The following STOX2 variants were observed in gnomAD, a reference collection of about 807,000 sequenced individuals.
STOX2 encodes storkhead box 2.
STOX2 carries 28 observed loss-of-function variants against 60.9 expected under a neutral mutation model. That is an observed-to-expected ratio of 0.46 (90% CI 0.34 to 0.63). STOX2 has a LOEUF of 0.63. Ranked by LOEUF, STOX2 falls within the 30% of genes least tolerant of loss-of-function variation. The probability of loss-of-function intolerance (pLI) is 0.01; values close to 1 mark genes in which losing one functional copy is unlikely to be tolerated. For missense variants in STOX2, 1,024 were observed against 1,187.7 expected (o/e 0.86, Z 2.03); for synonymous variants, 472 against 463.9 (o/e 1.02, Z -0.22).
intron 1 of STOX2, among the ~76,000 whole-genome samples, chr4:183,853,080 A>C (rs1740199218): frequency 6.6e-6 from 1 of 152,228 alleles, no homozygotes. Flanking sequence ...CCCTAGTTCT[A>C]GACCTCAGCA....
chr4:183,847,509 C>G (rs181967831), intron 1 of STOX2, among the ~76,000 whole-genome samples: 122 of 152,276 alleles, frequency 8.0e-4, no homozygotes, highest in African/African-American at 2.8e-3. Context: ...ATTGCCTTTT[C>G]TATCAGTCCT....
At chr4:183,846,825 CT>C (rs1740001414) in intron 1 of STOX2, among the ~76,000 whole-genome samples, 1 of 151,750 alleles carries the variant, frequency 6.6e-6, no homozygotes, top group Non-Finnish European at 1.5e-5. Flanking sequence ...TCTTGCATGC[CT>C]TGTAATTTTT....
chr4:183,969,960 T>G (rs1211864815), intron 1 of STOX2, among the ~76,000 whole-genome samples: 1 of 152,128 alleles, frequency 6.6e-6, no homozygotes, highest in Non-Finnish European at 1.5e-5. Context: ...ACATATCTTG[T>G]GTTGGGGAAA....
At chr4:183,945,805 C>T (rs1460859640) in intron 1 of STOX2, among the ~76,000 whole-genome samples, 1 of 152,188 alleles carries the variant, frequency 6.6e-6, no homozygotes, top group African/African-American at 2.4e-5. Context: ...TGTTCTTTTA[C>T]CTTCAGTTTG....
chr4:183,869,105 G>A (rs1167336873), intron 1 of STOX2, among the ~76,000 whole-genome samples: 1 of 152,170 alleles, frequency 6.6e-6, no homozygotes, highest in Non-Finnish European at 1.5e-5. Flanking sequence ...CTGTGTGAAA[G>A]TTCTGGATAG....
upstream of STOX2, among the ~76,000 whole-genome samples, chr4:183,900,616 G>A (rs1741440923): frequency 6.6e-6 from 1 of 152,156 alleles, no homozygotes; most frequent in Non-Finnish European, 1.5e-5. Flanking sequence ...CTTTACTAGA[G>A]ATGCAAATTG....
rs1741581352 is a variant in STOX2, at chr4:183,905,909, G to A, written c.-882G>A. The A allele has an allele frequency of 6.6e-6, 1 of 152,262 alleles. No homozygotes were observed. The highest frequency in any genetic ancestry group is 2.4e-5 in the African/African-American group (1 of 41,464). The allele number at this position is 152,262 out of a possible 1,614,324, so 9.4% of individuals were successfully genotyped here. ...GCGCCGCCTCGGCCAGTAAGTAGGA[G>A]CATGCATGTGTAGGGGGCACATGCG... On this transcript the variant is annotated 5_prime_UTR_variant, in exon 1 of 4. Coordinates refer to ENST00000308497, the MANE Select transcript of STOX2 (RefSeq NM_020225.3).
intron 1 of STOX2, among the ~76,000 whole-genome samples, chr4:183,801,785 A>G (rs1378379137): frequency 1.3e-5 from 2 of 152,108 alleles, no homozygotes; most frequent in African/African-American, 4.8e-5. Context: ...GCCAGATGTG[A>G]AGATCTAGAA....
At chr4:183,860,338 C>A (rs1740401103) in intron 1 of STOX2, among the ~76,000 whole-genome samples, 1 of 150,840 alleles carries the variant, frequency 6.6e-6, no homozygotes, top group South Asian at 2.1e-4. Context: ...GTGGCCCAGC[C>A]AAAACCCCAA....
At chr4:183,969,959 G>A (rs978432254) in intron 1 of STOX2, among the ~76,000 whole-genome samples, 1 of 152,110 alleles carries the variant, frequency 6.6e-6, no homozygotes, top group South Asian at 2.1e-4. Flanking sequence ...TACATATCTT[G>A]TGTTGGGGAA....
At chr4:183,798,123 G>C in intron 1 of STOX2, 1 of 1,210,786 alleles carries the variant, frequency 8.3e-7, no homozygotes, top group Non-Finnish European at 1.0e-6. Context: ...GTGCGGTCGC[G>C]GGTGCCCCGC....
At position 183,855,809 on chromosome 4, in the gene STOX2, G is replaced by A. The variant is rs546154301; in HGVS notation, c.364+57754G>A. On this transcript the variant is annotated intron_variant, in intron 1 of 2. Transcript: ENST00000513034. ...ATGTGTTGAGGAATGTTAATGATTC[G>A]TCTGGAAGCGTGCAAATGTGGGGCA... 9.2e-5 allele frequency among the ~76,000 whole-genome samples: 14 copies of A among 152,314 alleles called. 1 individual carries two copies. Among genetic ancestry groups the A allele is most frequent in the South Asian group, 8.3e-4 (4 of 4,824 alleles).
At chr4:183,874,692 C>T (rs961173352) in intron 1 of STOX2, among the ~76,000 whole-genome samples, 5 of 150,966 alleles carry the variant, frequency 3.3e-5, no homozygotes, top group South Asian at 4.2e-4. Context: ...TTTGGGAGGC[C>T]GAGGCGGGCG....
At chr4:183,950,570 G>T (rs1022001519) in intron 1 of STOX2, among the ~76,000 whole-genome samples, 2 of 152,190 alleles carry the variant, frequency 1.3e-5, no homozygotes, top group South Asian at 4.1e-4. Flanking sequence ...CCACTGGAAG[G>T]CTTAATGGGG....
In STOX2 at chr4:184,022,967, T is replaced by A. The variant is rs1734647896; in HGVS notation, c.*5683T>A. On this transcript the variant is annotated 3_prime_UTR_variant, in exon 4 of 4. Transcript: ENST00000308497. ...AGAGCAGTTGACACAGATACTACGT[T>A]CTAGAAGAGAATTAAATTTAAACGT... is the stretch of plus-strand genomic sequence containing the variant. 1 of 152,188 alleles carries A rather than the reference T, an allele frequency of 6.6e-6. No homozygotes were observed. The highest frequency in any genetic ancestry group is 1.5e-5 in the Non-Finnish European group (1 of 68,030). The allele number at this position is 152,188 out of a possible 1,614,324, so 9.4% of individuals were successfully genotyped here. A position where few individuals can be genotyped will look rare whatever the true frequency, so the allele number is the denominator to read the frequency against.
At chr4:183,996,270 G>A (rs1388209082) in intron 1 of STOX2, among the ~76,000 whole-genome samples, 1 of 152,080 alleles carries the variant, frequency 6.6e-6, no homozygotes, top group Non-Finnish European at 1.5e-5. Context: ...TAGAACAATA[G>A]GACAGAATTA....
At chr4:183,988,520 G>C (rs1431392137) in intron 1 of STOX2, 4 of 152,074 alleles carry the variant, frequency 2.6e-5, no homozygotes, top group African/African-American at 9.7e-5. Flanking sequence ...ACTTGTACCA[G>C]TATCTCAAGC....
chr4:183,937,779 A>G (rs190698181), intron 1 of STOX2, among the ~76,000 whole-genome samples: 65 of 152,288 alleles, frequency 4.3e-4, no homozygotes, highest in African/African-American at 1.4e-3. Context: ...AACTAACTTG[A>G]CTGAAAAAAA....
chr4:184,009,510 C>A lies in STOX2; in HGVS notation c.672C>A (p.Asp224Glu), dbSNP rs1734041574. Reference sequence around the variant, plus strand: ...GGAAGTCTGCCAAGGACTGCAAAGACCCTTACTGTCCCCCTTCTCTGTGCC... The same window carrying A: ...GGAAGTCTGCCAAGGACTGCAAAGAACCTTACTGTCCCCCTTCTCTGTGCC... The part of the protein sequence containing the change: ...LQRKSAKDCK[D>E]PYCPPSLCQV... The change falls in exon 3 of 4, where the codon GAC (aspartate) becomes GAA (glutamate). Residue 224 changes from aspartate (D) to glutamate (E), a missense_variant. By Grantham distance (45) the Asp-to-Glu change is conservative. Transcript: ENST00000308497. The surrounding 1 kb of genome is among the most constrained non-coding windows in gnomAD (Gnocchi z 4.0). 4 of 1,613,902 alleles carry A rather than the reference C, an allele frequency of 2.5e-6. No homozygotes were observed. Among genetic ancestry groups the A allele is most frequent in the Non-Finnish European group, 3.4e-6 (4 of 1,179,890 alleles).
Sources: allele counts gnomAD v4.1 joint callset (sites outside exome capture counted in the v4.1 genomes callset), GRCh38; gene constraint gnomAD v4.1.1; non-coding constraint Gnocchi (gnomAD v3.1); transcripts MANE v1.5; gene names NCBI Gene and HGNC (gene_info 2026-07-23, HGNC 2026-07-21).